The following NFIC variants were observed in gnomAD, a reference collection of about 807,000 sequenced individuals.
The protein encoded by NFIC is nuclear factor 1 C-type.
In NFIC, 12 loss-of-function variants were observed where a neutral mutation model predicts 54.4. That is an observed-to-expected ratio of 0.22 (90% CI 0.14 to 0.36). The LOEUF (loss-of-function observed/expected upper bound fraction) is 0.36, where lower values mean the gene tolerates loss of function less well. NFIC is among the 10% of genes least tolerant of loss of function. The pLI is 1.00. For synonymous variants in NFIC, 322 were observed against 319.2 expected, an observed-to-expected ratio of 1.01 and a Z score of -0.09; for missense variants, 575 against 718.2, an observed-to-expected ratio of 0.80 and a Z score of 2.28.
chr19:3,402,925 G>A (rs1036055343), intron 2 of NFIC, among the ~76,000 whole-genome samples: 1 of 152,172 alleles, frequency 6.6e-6, no homozygotes, highest in Non-Finnish European at 1.5e-5. Context: ...AGGACAGGTT[G>A]TGCAGGGCCT....
chr19:3,441,643 G>A (rs1165714643), intron 6 of NFIC, among the ~76,000 whole-genome samples: 3 of 152,368 alleles, frequency 2.0e-5, no homozygotes, highest in South Asian at 4.1e-4. Flanking sequence ...TTGGTGGACC[G>A]AGGCAAGGGC....
intron 2 of NFIC, among the ~76,000 whole-genome samples, chr19:3,384,924 G>C (rs560491325): frequency 3.3e-5 from 5 of 151,992 alleles, no homozygotes; most frequent in Non-Finnish European, 5.9e-5. Context: ...TTCCTCGCCC[G>C]GGGCCCCGCC....
At chr19:3,425,293 C>A in intron 3 of NFIC, 116 bp downstream of exon 3, 1 of 1,255,824 alleles carries the variant, frequency 8.0e-7, no homozygotes, top group South Asian at 1.4e-5. Context: ...GACTGAGGCT[C>A]GGAGAGGTTA....
chr19:3,422,873 G>A (rs567588203), intron 2 of NFIC, among the ~76,000 whole-genome samples: 8 of 151,992 alleles, frequency 5.3e-5, no homozygotes, highest in African/African-American at 1.7e-4. Flanking sequence ...AACATTGCTC[G>A]TGGTTCTGAC....
intron 1 of NFIC, among the ~76,000 whole-genome samples, chr19:3,361,189 C>T (rs952775272): frequency 6.6e-6 from 1 of 152,198 alleles, no homozygotes; most frequent in African/African-American, 2.4e-5. Flanking sequence ...TCACTCGGCA[C>T]GCAGACGTCG....
rs776357825 is a variant in NFIC, at chr19:3,381,958, G to A, written c.277G>A (p.Val93Met). The change falls in exon 2 of 11, where the codon GTG becomes ATG. Residue 93 changes from valine to methionine, a missense_variant. By Grantham distance (21) the Val-to-Met change is conservative. This residue lies in a region of NFIC where 122 missense variants were observed against 158.0 expected (regional missense o/e 0.77). Coordinates refer to ENST00000443272, the MANE Select transcript of NFIC (RefSeq NM_001245002.2). ...CCGGCCCGAGTGCCGCGAGGACTTC[G>A]TGCTGAGCATCACCGGCAAGAAGGC... ...DIRPECREDFVLSITGKKAPG... is the reference protein window; with the variant it reads ...DIRPECREDFMLSITGKKAPG... The A allele has an allele frequency of 2.5e-6, 4 of 1,613,426 alleles. No individual in the cohort carries two copies. In the East Asian group the frequency reaches 6.7e-5, roughly 27 times the overall value.
chr19:3,381,703 G>C lies in NFIC; in HGVS notation c.31-9G>C. 4.3e-6 allele frequency: 7 copies of C among 1,612,872 alleles called. No homozygotes were observed. Among genetic ancestry groups the C allele is most frequent in the Non-Finnish European group, 5.9e-6 (7 of 1,179,700 alleles). On this transcript the variant is annotated splice_polypyrimidine_tract_variant and intron_variant, in intron 1 of 10. Coordinates refer to ENST00000443272, the MANE Select transcript of NFIC (RefSeq NM_001245002.2). ...GGCGCTCCTGACCTCTCGCCTCTCC[G>C]GCCTGCAGGATGAGTTCCACCCGTT... is the stretch of plus-strand genomic sequence containing the variant.
chr19:3,425,769 G>A (rs1418786246), intron 3 of NFIC, among the ~76,000 whole-genome samples: 1 of 147,970 alleles, frequency 6.8e-6, no homozygotes, highest in African/African-American at 2.5e-5. Flanking sequence ...CTGTTTGTTT[G>A]TCTTAGAAAC....
At chr19:3,422,554 A>G (rs971323180) in intron 2 of NFIC, among the ~76,000 whole-genome samples, 2 of 151,546 alleles carry the variant, frequency 1.3e-5, no homozygotes, top group Non-Finnish European at 2.9e-5. Flanking sequence ...CGTCTCTATT[A>G]AAAATTCAAA....
At chr19:3,408,364 G>A (rs2081691359) in intron 2 of NFIC, among the ~76,000 whole-genome samples, 1 of 152,188 alleles carries the variant, frequency 6.6e-6, no homozygotes, top group African/African-American at 2.4e-5. Context: ...AGGGTGTTGT[G>A]TTGAAGCCAA....
intron 2 of NFIC, among the ~76,000 whole-genome samples, chr19:3,422,311 C>G (rs1002646311): frequency 2.0e-5 from 3 of 151,546 alleles, no homozygotes; most frequent in Non-Finnish European, 2.9e-5. Context: ...TGGCCTCAAG[C>G]GATCCTCCCG....
intron 6 of NFIC, among the ~76,000 whole-genome samples, chr19:3,447,172 G>A (rs982749268): frequency 3.8e-4 from 58 of 151,860 alleles, no homozygotes; most frequent in African/African-American, 1.3e-3. Context: ...GGTGGTGGGC[G>A]CCTGTAATCC....
rs2082712545 is a variant in NFIC at position 3,465,934 on chromosome 19, T to C, written c.*3165T>C. The C allele has an allele frequency of 3.9e-5, 6 of 151,932 alleles. No individual in the cohort carries two copies. Among genetic ancestry groups the C allele is most frequent in the Admixed American group, 3.9e-4 (6 of 15,240 alleles). 9.4% of individuals were successfully genotyped at this position (151,932 alleles called of 1,614,324 possible). A position where few individuals can be genotyped will look rare whatever the true frequency, so the allele number is the denominator to read the frequency against. ...TTGCCAAAGGACCTCTTTTCCCCTA[T>C]CCAGAGACCACCCCAGGTGGCATTC... On this transcript the variant is annotated 3_prime_UTR_variant, in exon 11 of 11. Transcript: ENST00000443272.
chr19:3,437,652 A>T (rs1407697477), intron 6 of NFIC, among the ~76,000 whole-genome samples: 1 of 151,448 alleles, frequency 6.6e-6, no homozygotes, highest in African/African-American at 2.4e-5. Flanking sequence ...AAAAAAAGAA[A>T]AAAAAAGTCA....
intron 2 of NFIC, among the ~76,000 whole-genome samples, chr19:3,401,500 C>T (rs1000094901): frequency 6.6e-6 from 1 of 152,228 alleles, no homozygotes; most frequent in Non-Finnish European, 1.5e-5. Context: ...CCTTGCTCTC[C>T]TTGCCCCGTC....
intron 1 of NFIC, chr19:3,359,705 T>C: frequency 7.0e-7 from 1 of 1,420,272 alleles, no homozygotes; most frequent in Non-Finnish European, 9.3e-7. Flanking sequence ...CGCACCCACT[T>C]TCGTTTTCGC....
intron 2 of NFIC, among the ~76,000 whole-genome samples, chr19:3,424,072 G>T (rs1419568163): frequency 1.3e-5 from 2 of 152,058 alleles, no homozygotes; most frequent in African/African-American, 4.8e-5. Flanking sequence ...TTGTCGCCCA[G>T]ACTGGAGTGC....
intron 2 of NFIC, among the ~76,000 whole-genome samples, chr19:3,387,090 G>A (rs1393516051): frequency 6.6e-6 from 1 of 152,244 alleles, no homozygotes; most frequent in Admixed American, 6.5e-5. Flanking sequence ...TAGAGGGAGA[G>A]GGAGGGACGG....
At chr19:3,436,579 A>G (rs970505046) in intron 6 of NFIC, among the ~76,000 whole-genome samples, 5 of 151,350 alleles carry the variant, frequency 3.3e-5, no homozygotes, top group Admixed American at 1.3e-4. Flanking sequence ...AGTTCAAGCA[A>G]TTCTCCTGCC....
Sources: gnomAD v4.1 joint callset for allele counts (sites outside exome capture counted in the v4.1 genomes callset) on GRCh38, gnomAD v4.1.1 for gene constraint, gnomAD v4.1.1 regional missense constraint, MANE v1.5 for transcripts, NCBI Gene and HGNC (gene_info 2026-07-23, HGNC 2026-07-21) for gene names.